The following ATP8A2 variants were observed in gnomAD, a reference collection of about 807,000 sequenced individuals.
ATP8A2 encodes the protein phospholipid-transporting ATPase IB.
In ATP8A2, 100 loss-of-function variants were observed where a neutral mutation model predicts 165.6. The observed-to-expected ratio is 0.60, with a 90% CI of 0.51 to 0.71. The LOEUF is 0.71. Ranked by LOEUF, ATP8A2 falls within the 30% of genes least tolerant of loss-of-function variation. The pLI is 0.00. For missense variants in ATP8A2, 1,227 were observed against 1,479.5 expected (o/e 0.83, Z 2.80); for synonymous variants, 543 against 548.8 (o/e 0.99, Z 0.15).
intron 24 of ATP8A2, among the ~76,000 whole-genome samples, chr13:25,680,232 A>T (rs908498037): frequency 1.3e-5 from 2 of 152,178 alleles, no homozygotes; most frequent in Non-Finnish European, 2.9e-5. Context: ...AGATGAGTTC[A>T]TAAGTTGAGG....
intron 34 of ATP8A2, among the ~76,000 whole-genome samples, chr13:25,964,975 C>G (rs959868233): frequency 3.3e-5 from 5 of 152,194 alleles, no homozygotes; most frequent in African/African-American, 1.2e-4. Flanking sequence ...GCCCGGCCAA[C>G]ATGGTGAAAC....
rs138611877 is a variant in ATP8A2, at chr13:25,482,858, G to A, written c.221+13737G>A. ...CTCCTCCTTGCCTTCCACCATGATT[G>A]TGAGGCTTCCCCAGCCATGTGGAAC... is the stretch of plus-strand genomic sequence containing the variant. On this transcript the variant is annotated intron_variant, in intron 2 of 36. Transcript: ENST00000381655. 4.5e-3 allele frequency among the ~76,000 whole-genome samples: 678 copies of A among 152,278 alleles called. 6 individuals carry two copies. The highest frequency in any genetic ancestry group is 0.015 in the African/African-American group (641 of 41,558).
At chr13:25,844,007 A>C (rs1951804183) in intron 30 of ATP8A2, among the ~76,000 whole-genome samples, 1 of 152,138 alleles carries the variant, frequency 6.6e-6, no homozygotes, top group African/African-American at 2.4e-5. Context: ...AGAAACACAT[A>C]GGATCTGGCA....
chr13:25,418,885 T>G (rs569310966), intron 1 of ATP8A2, among the ~76,000 whole-genome samples: 1 of 152,316 alleles, frequency 6.6e-6, no homozygotes, highest in South Asian at 2.1e-4. Context: ...GAATTCATCC[T>G]AAGTTGGGCT....
chr13:25,584,461 G>T (rs4073093), intron 23 of ATP8A2, among the ~76,000 whole-genome samples: 78,255 of 152,014 alleles, frequency 0.51, 23,633 homozygotes, highest in Non-Finnish European at 0.7. Context: ...AAGATATTTG[G>T]GAAGATCAAG....
At chr13:25,738,420 A>G (rs2043833923) in intron 25 of ATP8A2, among the ~76,000 whole-genome samples, 1 of 141,172 alleles carries the variant, frequency 7.1e-6, no homozygotes, top group Non-Finnish European at 1.5e-5. Flanking sequence ...GGAATTTGTT[A>G]CATCCTGTCT....
At chr13:25,764,547 C>T (rs986393850) in intron 25 of ATP8A2, among the ~76,000 whole-genome samples, 1 of 152,162 alleles carries the variant, frequency 6.6e-6, no homozygotes, top group African/African-American at 2.4e-5. Flanking sequence ...CAAGCAGCAG[C>T]GGCAGCAGCC....
At chr13:25,597,465 C>T (rs1036027751) in intron 24 of ATP8A2, among the ~76,000 whole-genome samples, 1 of 152,162 alleles carries the variant, frequency 6.6e-6, no homozygotes, top group Non-Finnish European at 1.5e-5. Flanking sequence ...AAGTAACTGG[C>T]TATGTTGTGA....
intron 24 of ATP8A2, among the ~76,000 whole-genome samples, chr13:25,594,792 A>G (rs1287229479): frequency 6.6e-6 from 1 of 152,168 alleles, no homozygotes; most frequent in Non-Finnish European, 1.5e-5. Context: ...TTAAAGAACT[A>G]AAAGTAGAAC....
At chr13:25,946,599 C>T (rs1350695685) in intron 33 of ATP8A2, among the ~76,000 whole-genome samples, 1 of 152,174 alleles carries the variant, frequency 6.6e-6, no homozygotes, top group African/African-American at 2.4e-5. Context: ...CCACGGAATG[C>T]CTCTAACAGA....
chr13:25,468,779 C>CG (rs1165065462), intron 1 of ATP8A2, 198 bp from the exon 2 acceptor site: 2 of 956,266 alleles, frequency 2.1e-6, no homozygotes, highest in Non-Finnish European at 2.5e-6. Flanking sequence ...TGGGCGGGGC[C>CG]GGGGGCGGGG....
At chr13:25,719,623 T>TA (rs1186769257) in intron 25 of ATP8A2, among the ~76,000 whole-genome samples, 6 of 152,360 alleles carry the variant, frequency 3.9e-5, no homozygotes, top group African/African-American at 1.4e-4. Flanking sequence ...TTCAATCATT[T>TA]AACATCCATT....
intron 25 of ATP8A2, among the ~76,000 whole-genome samples, chr13:25,766,802 TC>T (rs2044500126): frequency 1.3e-5 from 2 of 152,210 alleles, no homozygotes; most frequent in African/African-American, 4.8e-5. Flanking sequence ...CTCAGAGGTG[TC>T]CAGTCTTGTT....
chr13:25,857,920 A>G (rs1373991840), intron 30 of ATP8A2, among the ~76,000 whole-genome samples: 1 of 152,116 alleles, frequency 6.6e-6, no homozygotes, highest in Non-Finnish European at 1.5e-5. Flanking sequence ...TTTATCGTGT[A>G]TCTGTTTAAG....
chr13:25,456,642 A>T (rs2035370881), intron 1 of ATP8A2, among the ~76,000 whole-genome samples: 1 of 152,210 alleles, frequency 6.6e-6, no homozygotes, highest in Non-Finnish European at 1.5e-5. Flanking sequence ...AGAGGAAGGA[A>T]GTCCAGGTGA....
intron 33 of ATP8A2, among the ~76,000 whole-genome samples, chr13:25,883,505 G>A (rs1001754869): frequency 1.8e-4 from 27 of 152,176 alleles, no homozygotes; most frequent in Admixed American, 1.8e-3. Flanking sequence ...ACTGTCAGGA[G>A]TTTTAGAGAC....
chr13:25,864,414 T>C (rs577958382), intron 33 of ATP8A2, among the ~76,000 whole-genome samples: 47 of 152,306 alleles, frequency 3.1e-4, no homozygotes, highest in African/African-American at 1.0e-3. Flanking sequence ...AGATACCGAC[T>C]TTCCAACTGC....
intron 33 of ATP8A2, among the ~76,000 whole-genome samples, chr13:25,907,046 A>G (rs1272960677): frequency 6.6e-6 from 1 of 152,228 alleles, no homozygotes; most frequent in Non-Finnish European, 1.5e-5. Flanking sequence ...CCTGGTCAAC[A>G]TGGTGAAACC....
rs1460938296 is a variant in ATP8A2 at position 25,571,699 on chromosome 13, AACATGCGTGTGC to A, written c.1662+12_1662+23del. The A allele has an allele frequency of 3.7e-6, 6 of 1,611,824 alleles. No individual in the cohort carries two copies. In the African/African-American group the frequency reaches 5.3e-5, roughly 14 times the overall value. The stretch of plus-strand genomic sequence containing the variant: ...CTCAGTCATCATAGAAGCGGTGAGT[AACATGCGTGTGC>A]ACATTTCAGATCACCTGCTTTTGTG... On this transcript the variant is annotated splice_region_variant and intron_variant, in intron 18 of 36. Transcript: ENST00000381655.
Sources: allele counts gnomAD v4.1 joint callset (sites outside exome capture counted in the v4.1 genomes callset), GRCh38; gene constraint gnomAD v4.1.1; transcripts MANE v1.5; gene names NCBI Gene and HGNC (gene_info 2026-07-23, HGNC 2026-07-21).